The following PSMD1 variants were observed in gnomAD, a reference collection of about 807,000 sequenced individuals.
PSMD1 encodes proteasome 26S subunit, non-ATPase 1.
PSMD1 carries 18 observed loss-of-function variants against 119.0 expected under a neutral mutation model. The ratio of observed to expected loss-of-function variants is 0.15; its 90% CI spans 0.10 to 0.22. The LOEUF (loss-of-function observed/expected upper bound fraction) is 0.22. Ranked by LOEUF, PSMD1 falls within the 10% of genes least tolerant of loss-of-function variation. The pLI is 1.00. For synonymous variants in PSMD1, 374 were observed against 396.6 expected (o/e 0.94, Z 0.68); for missense variants, 702 against 1,158.5 (o/e 0.61, Z 5.72).
chr2:231,116,390 A>G (rs78903528), intron 16 of PSMD1, among the ~76,000 whole-genome samples: 3,387 of 152,172 alleles, frequency 0.022, 138 homozygotes, highest in African/African-American at 0.077. Context: ...TTATTGTGTT[A>G]TATCTTAGAT....
Position 231,083,648 on chromosome 2 carries a change from C to T in PSMD1, c.1607C>T (p.Ala536Val). 1.2e-6 allele frequency: 2 copies of T among 1,614,150 alleles called. No homozygotes were observed. Among genetic ancestry groups the T allele is most frequent in the Non-Finnish European group, 8.5e-7 (1 of 1,180,026 alleles). The change falls in exon 14 of 25, where the codon GCA (alanine) becomes GTA (valine). Residue 536 changes from alanine to valine, a missense_variant. By Grantham distance (64) the Ala-to-Val change is moderately conservative (BLOSUM62 0). Coordinates refer to ENST00000308696, the MANE Select transcript of PSMD1 (RefSeq NM_002807.4). ...GCTATTGAGGACATGGTTGGTTATG[C>T]ACAAGAAACTCAACATGAGAAGATT... ...AQAIEDMVGYAQETQHEKILR... is the reference protein window; with the variant it reads ...AQAIEDMVGYVQETQHEKILR...
intron 16 of PSMD1, among the ~76,000 whole-genome samples, chr2:231,134,801 G>A (rs750292171): frequency 1.2e-4 from 18 of 152,266 alleles, no homozygotes; most frequent in Middle Eastern, 3.4e-3. Flanking sequence ...CCCTGGTTTT[G>A]ATTATCTAGC....
At chr2:231,073,300 AATG>A (rs1163016173) in intron 7 of PSMD1, among the ~76,000 whole-genome samples, 1 of 152,216 alleles carries the variant, frequency 6.6e-6, no homozygotes, top group East Asian at 1.9e-4. Flanking sequence ...GGATAACTAA[AATG>A]TAACACAAGG....
chr2:231,113,615 A>G (rs1210551240), intron 16 of PSMD1: 3 of 871,350 alleles, frequency 3.4e-6, no homozygotes, highest in African/African-American at 3.3e-5. Context: ...ATGTATCAGT[A>G]GGCTGGCTTG....
Position 231,070,095 on chromosome 2 carries a change from G to A in PSMD1, c.581G>A (p.Arg194Gln), listed in dbSNP as rs371110831. Residue 194 changes from arginine (R) to glutamine (Q), a missense_variant, in exon 6 of 25, where the codon CGG (arginine) becomes CAG (glutamine). Around this residue, in one of 9 missense-constraint regions of PSMD1, gnomAD observed 58 missense variants for 54.0 expected, o/e 1.07. Transcript: ENST00000308696. The stretch of plus-strand genomic sequence containing the variant: ...TCTTTAATGCAGAATAAACAGTTTC[G>A]GAATAAAGTACTAAGAGTTCTAGTT... The part of the protein sequence containing the change: ...CMSLMQNKQF[R>Q]NKVLRVLVKI... 34 of 1,576,828 alleles carry A rather than the reference G, an allele frequency of 2.2e-5. No individual in the cohort carries two copies. The highest frequency in any genetic ancestry group is 3.4e-4 in the Middle Eastern group (2 of 5,878).
chr2:231,132,836 A>G (rs1164202277), intron 16 of PSMD1, among the ~76,000 whole-genome samples: 1 of 152,238 alleles, frequency 6.6e-6, no homozygotes, highest in Admixed American at 6.5e-5. Context: ...GAGAGGTGAT[A>G]GGAACTGAAA....
At chr2:231,113,552 A>G (rs947736443) in intron 16 of PSMD1, among the ~76,000 whole-genome samples, 2 of 152,236 alleles carry the variant, frequency 1.3e-5, no homozygotes, top group Non-Finnish European at 2.9e-5. Flanking sequence ...TTTTACCAAC[A>G]GTATGTTTTA....
chr2:231,159,227 G>A (rs1696577863), intron 19 of PSMD1, among the ~76,000 whole-genome samples: 1 of 152,286 alleles, frequency 6.6e-6, no homozygotes, highest in East Asian at 1.9e-4. Context: ...TTTAAATGAA[G>A]ATTCTTGCAT....
In PSMD1 at chr2:231,170,907, T is replaced by C. The variant is rs968486557; in HGVS notation, c.*9+186T>C. ...TAACCACAAATTCCTTTTTCTTTCC[T>C]CTTTGACTCGTACTCTACTCACGTT... On this transcript the variant is annotated intron_variant, in intron 24 of 24. Transcript: ENST00000308696. The surrounding 1 kb of genome is among the most constrained non-coding windows in gnomAD (Gnocchi z 4.1). Among the ~76,000 whole-genome samples, 1 of 152,350 alleles carries C rather than the reference T, an allele frequency of 6.6e-6. No homozygotes were observed. The highest frequency in any genetic ancestry group is 2.1e-4 in the South Asian group (1 of 4,824).
intron 16 of PSMD1, among the ~76,000 whole-genome samples, chr2:231,119,952 T>TC (rs1045094112): frequency 1.4e-5 from 2 of 139,330 alleles, no homozygotes; most frequent in African/African-American, 5.8e-5. Flanking sequence ...CCGTGTTACT[T>TC]TTTTTTTTTT....
intron 16 of PSMD1, among the ~76,000 whole-genome samples, chr2:231,129,537 A>G (rs1695805874): frequency 6.6e-6 from 1 of 152,224 alleles, no homozygotes; most frequent in African/African-American, 2.4e-5. Flanking sequence ...ACTAATTTTT[A>G]GTTTTCTGAA....
chr2:231,069,984 A>G, intron 5 of PSMD1, 41 bp from the exon 6 acceptor site: 1 of 1,309,772 alleles, frequency 7.6e-7, no homozygotes, highest in Non-Finnish European at 9.9e-7. Flanking sequence ...ATAATGCTGC[A>G]ATAACCAGAT....
In PSMD1 at chr2:231,066,898, C is replaced by G. The variant is rs776924406; in HGVS notation, c.305-8C>G. The G allele has an allele frequency of 5.7e-6, 9 of 1,573,512 alleles. No individual in the cohort carries two copies. The African/African-American group carries it at 9.6e-5, about 17-fold the overall frequency. On this transcript the variant is annotated splice_region_variant and splice_polypyrimidine_tract_variant and intron_variant, in intron 4 of 24. Transcript: ENST00000308696. ...ACAAGATAATCAGTTATTTTATTTC[C>G]TCAACAGCAAAATGCATTGATCACT...
chr2:231,102,853 A>G (rs1694900514), intron 16 of PSMD1, among the ~76,000 whole-genome samples: 1 of 152,216 alleles, frequency 6.6e-6, no homozygotes, highest in Non-Finnish European at 1.5e-5. Context: ...ACTGCCTGTT[A>G]TAGCTTATTT....
chr2:231,152,798 G>GA (rs1374699439), intron 18 of PSMD1, among the ~76,000 whole-genome samples: 1 of 152,038 alleles, frequency 6.6e-6, no homozygotes, highest in Admixed American at 6.6e-5. Context: ...GCACTGTTGG[G>GA]AAAACAGAGA....
intron 20 of PSMD1, chr2:231,162,967 C>G (rs968796961): frequency 2.0e-5 from 3 of 148,502 alleles, no homozygotes; most frequent in Non-Finnish European, 3.0e-5. Context: ...GGCATGGTGG[C>G]GGGCACCTGT....
At chr2:231,065,560 A>G (rs981357545) in intron 4 of PSMD1, among the ~76,000 whole-genome samples, 1 of 151,688 alleles carries the variant, frequency 6.6e-6, no homozygotes, top group African/African-American at 2.4e-5. Context: ...CGGCCTCCCA[A>G]AGTGCTGGGA....
At chr2:231,086,912 TATAAAA>T (rs1324806177) in intron 15 of PSMD1, among the ~76,000 whole-genome samples, 199 bp from the exon 16 acceptor site, 3 of 152,144 alleles carry the variant, frequency 2.0e-5, no homozygotes, top group African/African-American at 7.2e-5. Flanking sequence ...ACCCTGTCTC[TATAAAA>T]ATAAAAATAA....
chr2:231,169,258 C>T (rs907533165), intron 23 of PSMD1, among the ~76,000 whole-genome samples: 1 of 152,052 alleles, frequency 6.6e-6, no homozygotes, highest in African/African-American at 2.4e-5. Context: ...AACCTGGATC[C>T]ACATTTTCCA....
Sources: gnomAD v4.1 joint callset for allele counts (sites outside exome capture counted in the v4.1 genomes callset) on GRCh38, gnomAD v4.1.1 for gene constraint, gnomAD v4.1.1 regional missense constraint, Gnocchi (gnomAD v3.1) non-coding constraint, MANE v1.5 for transcripts, NCBI Gene and HGNC (gene_info 2026-07-23, HGNC 2026-07-21) for gene names.